Variants in EYA1 observed in about 807,000 individuals in gnomAD.
EYA1 encodes EYA transcriptional coactivator and phosphatase 1.
EYA1 carries 16 observed loss-of-function variants against 82.0 expected under a neutral mutation model. The ratio of observed to expected loss-of-function variants is 0.20; its 90% confidence interval spans 0.13 to 0.30. The LOEUF is 0.30. EYA1 is among the 10% of genes least tolerant of loss of function. EYA1 has a pLI of 1.00. For synonymous variants in EYA1, 261 were observed against 264.4 expected (o/e 0.99, Z 0.12); for missense variants, 633 against 730.7 (o/e 0.87, Z 1.54).
chr8:71,501,467 A>T (rs1349281850), intron 2 of EYA1, among the ~76,000 whole-genome samples: 1 of 152,228 alleles, frequency 6.6e-6, no homozygotes, highest in African/African-American at 2.4e-5. Context: ...GGCTGCAATT[A>T]TGTCAGTAAA....
intron 12 of EYA1, among the ~76,000 whole-genome samples, chr8:71,230,159 C>A (rs1811023639): frequency 6.6e-6 from 1 of 152,010 alleles, no homozygotes; most frequent in Non-Finnish European, 1.5e-5. Context: ...TTCTCTTGCA[C>A]TATTCAACCT....
At chr8:71,416,534 C>A (rs1830861872) in intron 2 of EYA1, among the ~76,000 whole-genome samples, 1 of 152,148 alleles carries the variant, frequency 6.6e-6, no homozygotes, top group Admixed American at 6.5e-5. Context: ...AGATAGCAGT[C>A]ATTTGGGAGG....
chr8:71,334,488 G>A (rs1228716942), intron 3 of EYA1, among the ~76,000 whole-genome samples: 1 of 152,132 alleles, frequency 6.6e-6, no homozygotes, highest in Non-Finnish European at 1.5e-5. Context: ...TCTACATGAT[G>A]TGATATAAAA....
intron 2 of EYA1, among the ~76,000 whole-genome samples, chr8:71,501,409 T>C (rs1811795699): frequency 6.6e-6 from 1 of 152,214 alleles, no homozygotes; most frequent in African/African-American, 2.4e-5. Flanking sequence ...CAGGAAACTT[T>C]GAATTATATA....
intron 2 of EYA1, among the ~76,000 whole-genome samples, chr8:71,381,568 G>T (rs1828703635): frequency 6.6e-6 from 1 of 152,128 alleles, no homozygotes; most frequent in Non-Finnish European, 1.5e-5. Flanking sequence ...TTGAAAGACA[G>T]GAAAAAACTG....
At chr8:71,482,147 T>C (rs1195185408) in intron 2 of EYA1, among the ~76,000 whole-genome samples, 1 of 151,990 alleles carries the variant, frequency 6.6e-6, no homozygotes, top group Non-Finnish European at 1.5e-5. Flanking sequence ...AAGACATATA[T>C]CTAACATAGG....
At chr8:71,346,452 A>ATG (rs1554561647) in intron 3 of EYA1, among the ~76,000 whole-genome samples, 2 of 134,650 alleles carry the variant, frequency 1.5e-5, no homozygotes, top group African/African-American at 6.1e-5. Flanking sequence ...ATATATATAT[A>ATG]TATCTATATA....
intron 2 of EYA1, among the ~76,000 whole-genome samples, chr8:71,390,271 C>CT (rs577622634): frequency 0.036 from 4,888 of 136,926 alleles, 238 homozygotes; most frequent in African/African-American, 0.11. Context: ...TTGGATAATT[C>CT]TTTTTTTTTT....
At chr8:71,304,372 T>C (rs1820508021) in intron 7 of EYA1, among the ~76,000 whole-genome samples, 1 of 142,800 alleles carries the variant, frequency 7.0e-6, no homozygotes, top group African/African-American at 2.5e-5. Flanking sequence ...CTGACGCTCT[T>C]AATCTCTATA....
At chr8:71,248,979 T>A (rs1813431061) in intron 11 of EYA1, among the ~76,000 whole-genome samples, 1 of 152,208 alleles carries the variant, frequency 6.6e-6, no homozygotes. Flanking sequence ...TTTCTTGCAA[T>A]AACAAATTCC....
intron 2 of EYA1, among the ~76,000 whole-genome samples, chr8:71,474,214 A>G (rs1399900606): frequency 1.3e-5 from 2 of 150,782 alleles, no homozygotes; most frequent in African/African-American, 2.4e-5. Flanking sequence ...AAAAAAAAAA[A>G]GAAGATGAAG....
chr8:71,504,733 T>A (rs2129241634), intron 2 of EYA1, among the ~76,000 whole-genome samples: 2 of 152,262 alleles, frequency 1.3e-5, no homozygotes, highest in South Asian at 4.1e-4. Flanking sequence ...TAAAAAAAAA[T>A]CATCCTGTAA....
exon 2 of EYA1, chr8:71,535,838 C>T: frequency 9.6e-7 from 1 of 1,045,250 alleles, no homozygotes; most frequent in Admixed American, 2.8e-5. Context: ...AGGGTTCCAA[C>T]ACCCCTGCAC....
At chr8:71,535,587 G>A (rs1814648816) in intron 2 of EYA1, among the ~76,000 whole-genome samples, 1 of 152,154 alleles carries the variant, frequency 6.6e-6, no homozygotes, top group East Asian at 1.9e-4. Context: ...TGATGAAACA[G>A]TGTACTACTT....
At chr8:71,271,533 G>C (rs1023922252) in intron 10 of EYA1, among the ~76,000 whole-genome samples, 1 of 152,150 alleles carries the variant, frequency 6.6e-6, no homozygotes, top group South Asian at 2.1e-4. Flanking sequence ...GAGAGAAACA[G>C]ACCCTTTGCC....
At chr8:71,468,961 T>C (rs1419528140) in intron 2 of EYA1, among the ~76,000 whole-genome samples, 2 of 152,172 alleles carry the variant, frequency 1.3e-5, no homozygotes, top group African/African-American at 4.8e-5. Flanking sequence ...TGTCTTAAAG[T>C]TACCAAAGGC....
chr8:71,462,754 T>TA (rs745963289), intron 2 of EYA1, among the ~76,000 whole-genome samples: 2 of 152,156 alleles, frequency 1.3e-5, no homozygotes, highest in Non-Finnish European at 2.9e-5. Context: ...GGTCCAGGCC[T>TA]AGGGGCAGGT....
chr8:71,244,387 C>A (rs1002719077), intron 12 of EYA1, among the ~76,000 whole-genome samples: 1 of 152,118 alleles, frequency 6.6e-6, no homozygotes, highest in Non-Finnish European at 1.5e-5. Context: ...AAATTTTAAT[C>A]TTTACTACTG....
At chr8:71,455,356 T>A (rs1807796657) in intron 2 of EYA1, among the ~76,000 whole-genome samples, 1 of 152,200 alleles carries the variant, frequency 6.6e-6, no homozygotes, top group Non-Finnish European at 1.5e-5. Flanking sequence ...CCATTCCTTC[T>A]GAAACTATTC....
Sources: gnomAD v4.1 joint callset for allele counts (sites outside exome capture counted in the v4.1 genomes callset) on GRCh38, gnomAD v4.1.1 for gene constraint, MANE v1.5 for transcripts, NCBI Gene and HGNC (gene_info 2026-07-23, HGNC 2026-07-21) for gene names.